Variants in DIP2C observed in about 807,000 individuals in gnomAD.
DIP2C encodes the protein DIP2 acetate--CoA ligase C (putative).
Under a neutral mutation model 192.4 loss-of-function variants are expected in DIP2C, and 33 were observed. The ratio of observed to expected loss-of-function variants is 0.17; its 90% CI spans 0.13 to 0.23. The LOEUF (loss-of-function observed/expected upper bound fraction) is 0.23, where lower values mean the gene tolerates loss of function less well. Among genes scored for constraint, DIP2C ranks in the 10% least tolerant of loss-of-function variants. The probability of loss-of-function intolerance (pLI) is 1.00; values close to 1 mark genes in which losing one functional copy is unlikely to be tolerated. For synonymous variants in DIP2C, 979 were observed against 864.1 expected (o/e 1.13, Z -2.33); for missense variants, 1,537 against 2,110.1 (o/e 0.73, Z 5.32).
intron 26 of DIP2C, among the ~76,000 whole-genome samples, chr10:347,511 C>T: frequency 1.7e-5 from 2 of 115,568 alleles, no homozygotes; most frequent in Admixed American, 9.1e-5. Context: ...GCATAGTTCT[C>T]CCGGAAACCC....
chr10:320,913 G>A (rs773682239), intron 31 of DIP2C, among the ~76,000 whole-genome samples: 65 of 152,246 alleles, frequency 4.3e-4, no homozygotes, highest in Admixed American at 1.4e-3. Flanking sequence ...AGAGAGCACC[G>A]CAGCTGACAG....
chr10:358,023 C>A, intron 22 of DIP2C, 86 bp from the exon 23 acceptor site: 1 of 943,726 alleles, frequency 1.1e-6, no homozygotes, highest in East Asian at 2.6e-5. Context: ...AGACCTTACT[C>A]TCGGAAAACT....
At chr10:345,316 G>C (rs12569441) in intron 26 of DIP2C, among the ~76,000 whole-genome samples, 1 of 151,878 alleles carries the variant, frequency 6.6e-6, no homozygotes, top group Non-Finnish European at 1.5e-5. Context: ...GCGGCCTGAA[G>C]CTGCTGCATC....
At chr10:525,876 C>G (rs868444222) in intron 1 of DIP2C, among the ~76,000 whole-genome samples, 1 of 152,254 alleles carries the variant, frequency 6.6e-6, no homozygotes. Context: ...AACCCAGGGC[C>G]TCTCAGGTTT....
intron 1 of DIP2C, among the ~76,000 whole-genome samples, chr10:557,380 T>C (rs544398875): frequency 2.3e-4 from 35 of 151,872 alleles, no homozygotes; most frequent in Non-Finnish European, 4.7e-4. Context: ...GTAGAAGCTG[T>C]ACAGTCATAC....
intron 4 of DIP2C, among the ~76,000 whole-genome samples, chr10:433,157 G>T (rs1966900737): frequency 6.6e-6 from 1 of 152,110 alleles, no homozygotes; most frequent in African/African-American, 2.4e-5. Context: ...TGATTTTCTG[G>T]CTACTGAATT....
rs373883822 is a variant in DIP2C at position 335,702 on chromosome 10, T to C, written c.3584+5497A>G. ...GGCTCTCTTCATCCCACCCGCTGTG[T>C]GCTACAGGCTTCACCATCACTGAGG... On this transcript the variant is annotated intron_variant, in intron 29 of 36. Coordinates refer to ENST00000280886, the MANE Select transcript of DIP2C (RefSeq NM_014974.3). 7.2e-5 allele frequency among the ~76,000 whole-genome samples: 11 copies of C among 152,350 alleles called. No homozygotes were observed. The East Asian group carries it at 2.1e-3, about 29-fold the overall frequency.
intron 1 of DIP2C, among the ~76,000 whole-genome samples, chr10:674,490 C>T (rs772097459): frequency 1.6e-4 from 24 of 152,110 alleles, no homozygotes; most frequent in South Asian, 6.2e-4. Flanking sequence ...AATAGAGAGG[C>T]GGGGTGCAGT....
chr10:580,860 C>A (rs1238866873), intron 1 of DIP2C, among the ~76,000 whole-genome samples: 1 of 152,234 alleles, frequency 6.6e-6, no homozygotes, highest in East Asian at 1.9e-4. Flanking sequence ...TCTGGCTTGA[C>A]TGTGGAGTTC....
rs137963534 is a variant in DIP2C at position 389,947 on chromosome 10, C to T, written c.1597+44G>A. On this transcript the variant is annotated intron_variant, in intron 13 of 36. Coordinates refer to ENST00000280886, the MANE Select transcript of DIP2C (RefSeq NM_014974.3). ...GATGTGGCCTTCGTGTCAGGTGTCC[C>T]GGTTAGAACCAGGGTCCCAAGGAGT... 3.9e-4 allele frequency: 586 copies of T among 1,513,030 alleles called. 3 individuals carry two copies. In the African/African-American group the frequency reaches 7.2e-3, roughly 19 times the overall value. 93.7% of individuals were successfully genotyped at this position (1,513,030 alleles called of 1,614,324 possible).
At chr10:576,697 C>T (rs928503424) in intron 1 of DIP2C, among the ~76,000 whole-genome samples, 1 of 152,148 alleles carries the variant, frequency 6.6e-6, no homozygotes, top group Non-Finnish European at 1.5e-5. Flanking sequence ...CACTTGAGAT[C>T]AGGAGTTGGA....
intron 4 of DIP2C, chr10:437,625 A>ATTC (rs1967374236): frequency 6.6e-6 from 1 of 152,268 alleles, no homozygotes; most frequent in South Asian, 2.1e-4. Flanking sequence ...CGTTTTGTGC[A>ATTC]GTTTTACAGT....
chr10:651,061 C>G lies in DIP2C; in HGVS notation c.85+38433G>C, dbSNP rs773771522. On this transcript the variant is annotated intron_variant, in intron 1 of 36. Transcript: ENST00000280886. This position sits in a 1 kb window ranked among gnomAD's most constrained non-coding sequence, Gnocchi z 4.1. ...CCCCTTTCCATCCTAGCCCCTGCCACCCCTCCTGCTCTTGTCTCTCCCACA... is the reference window on the plus strand; with the variant it reads ...CCCCTTTCCATCCTAGCCCCTGCCAGCCCTCCTGCTCTTGTCTCTCCCACA... 1 of 717,508 alleles carries G rather than the reference C, an allele frequency of 1.4e-6. No homozygotes were observed. The allele number at this position is 717,508 out of a possible 1,614,324, so 44.4% of individuals were successfully genotyped here.
intron 1 of DIP2C, among the ~76,000 whole-genome samples, chr10:546,286 A>AAG (rs1848281958): frequency 6.6e-6 from 1 of 151,844 alleles, no homozygotes; most frequent in Non-Finnish European, 1.5e-5. Context: ...TTAAAAAAAA[A>AAG]AAAAAAAAGT....
chr10:389,914 G>T, intron 13 of DIP2C, 77 bp downstream of exon 13: 2 of 1,145,816 alleles, frequency 1.7e-6, no homozygotes, highest in Non-Finnish European at 2.5e-6. Context: ...ATGGCTCCTC[G>T]TGGGAGTGAT....
intron 3 of DIP2C, among the ~76,000 whole-genome samples, chr10:457,723 G>A (rs1260857606): frequency 1.3e-5 from 2 of 149,148 alleles, no homozygotes; most frequent in African/African-American, 5.2e-5. Context: ...CACCCGGCTA[G>A]TCTTTCATCG....
chr10:387,223 T>C (rs144761430), intron 14 of DIP2C, among the ~76,000 whole-genome samples: 1 of 152,304 alleles, frequency 6.6e-6, no homozygotes, highest in Non-Finnish European at 1.5e-5. Flanking sequence ...TGGAAGGCTG[T>C]TTTCGGCAGC....
chr10:281,276 C>A lies in DIP2C; in HGVS notation c.4342G>T (p.Glu1448Ter). Reference protein sequence around the residue: ...YVVGALDEAMELRGMRYHPID... With the variant: ...YVVGALDEAM The stretch of plus-strand genomic sequence containing the variant: ...GGGTGGTACCGCATGCCCCGCAGCT[C>A]CATGGCTTCGTCCAGTGCCCCTACC... Residue 1448 changes from glutamate (E) to a stop codon, truncating the protein, a stop_gained, in exon 36 of 37, where the codon GAG (glutamate) becomes TAG (stop). Transcript: ENST00000280886. LOFTEE classifies it high-confidence loss of function. 6.2e-7 allele frequency: 1 copy of A among 1,614,194 alleles called. No homozygotes were observed. Among genetic ancestry groups the A allele is most frequent in the Non-Finnish European group, 8.5e-7 (1 of 1,180,046 alleles).
intron 17 of DIP2C, among the ~76,000 whole-genome samples, chr10:381,026 G>A (rs4242758): frequency 0.41 from 62,215 of 152,030 alleles, 12,937 homozygotes; most frequent in East Asian, 0.51. Flanking sequence ...TGGTGGAAAC[G>A]CAAGTACGAG....
Sources: gnomAD v4.1 joint callset for allele counts (sites outside exome capture counted in the v4.1 genomes callset) on GRCh38, gnomAD v4.1.1 for gene constraint, Gnocchi (gnomAD v3.1) non-coding constraint, MANE v1.5 for transcripts, NCBI Gene and HGNC (gene_info 2026-07-23, HGNC 2026-07-21) for gene names.